RAPGEF5: variants seen among roughly 807,000 people sequenced by gnomAD.
RAPGEF5 encodes the protein M-Ras-regulated GEF.
Under a neutral mutation model 125.2 loss-of-function variants are expected in RAPGEF5, and 65 were observed. That is an observed-to-expected ratio of 0.52 (90% CI 0.43 to 0.64). The LOEUF is 0.64. RAPGEF5 is among the 30% of genes least tolerant of loss of function. The pLI is 0.00. For synonymous variants in RAPGEF5, 391 were observed against 385.9 expected (o/e 1.01, Z -0.16); for missense variants, 958 against 1,048.1 (o/e 0.91, Z 1.19).
chr7:22,282,745 C>T (rs1782702848), intron 6 of RAPGEF5, among the ~76,000 whole-genome samples: 1 of 152,164 alleles, frequency 6.6e-6, no homozygotes, highest in Non-Finnish European at 1.5e-5. Flanking sequence ...ACCCATTTCT[C>T]ACTTGGTCTA....
intron 9 of RAPGEF5, among the ~76,000 whole-genome samples, chr7:22,206,213 A>G (rs2128129428): frequency 6.6e-6 from 1 of 152,316 alleles, no homozygotes; most frequent in Middle Eastern, 3.4e-3. Flanking sequence ...AGAGAGGTAA[A>G]GTGATTTACT....
At chr7:22,327,417 A>G (rs191800037) in intron 1 of RAPGEF5, among the ~76,000 whole-genome samples, 21 of 152,386 alleles carry the variant, frequency 1.4e-4, no homozygotes, top group African/African-American at 5.0e-4. Flanking sequence ...ATAAATGTCC[A>G]GTGTCCAACA....
At chr7:22,319,835 T>G (rs1024823859) in intron 1 of RAPGEF5, among the ~76,000 whole-genome samples, 8 of 151,664 alleles carry the variant, frequency 5.3e-5, no homozygotes, top group Non-Finnish European at 1.2e-4. Context: ...AAAAAGCTTT[T>G]AAGCAGAAAC....
chr7:22,235,375 G>A (rs967172494), intron 7 of RAPGEF5, among the ~76,000 whole-genome samples: 4 of 152,100 alleles, frequency 2.6e-5, no homozygotes, highest in African/African-American at 9.7e-5. Flanking sequence ...TGTACGTGTC[G>A]GTGACAGTTC....
At position 22,136,033 on chromosome 7, in the gene RAPGEF5, A is replaced by T. The variant is rs1394793145; in HGVS notation, c.2416+5T>A. ...TACATGGCATAAAAGATAGAAAATC[A>T]TTACCTTTAAGCAATAAGGGCATGA... On this transcript the variant is annotated splice_donor_5th_base_variant and intron_variant, in intron 23 of 25. Transcript: ENST00000665637. 6.3e-7 allele frequency: 1 copy of T among 1,582,848 alleles called. No homozygotes were observed. Among genetic ancestry groups the T allele is most frequent in the Non-Finnish European group, 8.7e-7 (1 of 1,155,238 alleles).
intron 7 of RAPGEF5, among the ~76,000 whole-genome samples, chr7:22,258,338 A>T (rs1313060955): frequency 6.6e-6 from 1 of 152,152 alleles, no homozygotes; most frequent in Non-Finnish European, 1.5e-5. Flanking sequence ...ATAGACAAAC[A>T]GGCCAGGTAC....
chr7:22,129,790 AT>A (rs1417938986), intron 24 of RAPGEF5, among the ~76,000 whole-genome samples: 1 of 152,214 alleles, frequency 6.6e-6, no homozygotes, highest in Non-Finnish European at 1.5e-5. Context: ...TGTGGTTAAA[AT>A]GGAGATAAAG....
intron 17 of RAPGEF5, among the ~76,000 whole-genome samples, chr7:22,153,596 T>C (rs1343464176): frequency 2.0e-5 from 3 of 152,180 alleles, no homozygotes; most frequent in South Asian, 4.1e-4. Context: ...CCCTCAAGTA[T>C]ATTCTGATAT....
chr7:22,152,731 T>C (rs902773814), intron 17 of RAPGEF5, among the ~76,000 whole-genome samples: 6 of 152,204 alleles, frequency 3.9e-5, no homozygotes, highest in African/African-American at 1.4e-4. Context: ...GACTAAAATA[T>C]AATTTATTAA....
intron 5 of RAPGEF5, among the ~76,000 whole-genome samples, chr7:22,299,074 C>G (rs1338242606): frequency 1.1e-5 from 1 of 90,770 alleles, no homozygotes; most frequent in Non-Finnish European, 2.3e-5. Flanking sequence ...TTTCTAATTT[C>G]TTTTCACTTA....
chr7:22,249,919 C>A (rs1786575582), intron 7 of RAPGEF5, among the ~76,000 whole-genome samples: 1 of 152,166 alleles, frequency 6.6e-6, no homozygotes, highest in African/African-American at 2.4e-5. Context: ...CAGGAATTAG[C>A]ACTATTAAAA....
intron 10 of RAPGEF5, 142 bp from the exon 11 acceptor site, chr7:22,193,597 A>G (rs1418871381): frequency 3.2e-6 from 5 of 1,550,980 alleles, no homozygotes; most frequent in South Asian, 1.2e-5. Context: ...TCGGTCTGAG[A>G]GCGCCGCGGC....
chr7:22,337,869 C>T (rs1784054879), intron 1 of RAPGEF5, among the ~76,000 whole-genome samples: 1 of 152,176 alleles, frequency 6.6e-6, no homozygotes, highest in South Asian at 2.1e-4. Context: ...GTTAACACAC[C>T]ACTCACATTT....
intron 7 of RAPGEF5, among the ~76,000 whole-genome samples, chr7:22,260,866 G>T (rs1374995875): frequency 6.6e-6 from 1 of 152,084 alleles, no homozygotes; most frequent in African/African-American, 2.4e-5. Context: ...AATTAAAACA[G>T]GATAGTGTAG....
intron 7 of RAPGEF5, among the ~76,000 whole-genome samples, chr7:22,244,523 A>G (rs956334431): frequency 6.6e-6 from 1 of 152,036 alleles, no homozygotes; most frequent in Non-Finnish European, 1.5e-5. Flanking sequence ...TCTAATGCCC[A>G]GTGATTTGTC....
At chr7:22,123,426 A>T (rs1412969606) in intron 25 of RAPGEF5, among the ~76,000 whole-genome samples, 1 of 152,230 alleles carries the variant, frequency 6.6e-6, no homozygotes, top group African/African-American at 2.4e-5. Flanking sequence ...AGTGGTGAAG[A>T]CATCATATCC....
chr7:22,262,894 G>A (rs1331335402), intron 7 of RAPGEF5, among the ~76,000 whole-genome samples: 1 of 152,150 alleles, frequency 6.6e-6, no homozygotes, highest in Admixed American at 6.6e-5. Context: ...AGACTTCCTT[G>A]GTCAAGGCTG....
At chr7:22,248,307 C>T (rs2128137651) in intron 7 of RAPGEF5, among the ~76,000 whole-genome samples, 1 of 152,190 alleles carries the variant, frequency 6.6e-6, no homozygotes, top group South Asian at 2.1e-4. Flanking sequence ...TCATGGAGGC[C>T]TGTTATAAAC....
intron 9 of RAPGEF5, among the ~76,000 whole-genome samples, chr7:22,199,089 G>A (rs962693094): frequency 1.3e-5 from 2 of 152,220 alleles, no homozygotes; most frequent in Non-Finnish European, 2.9e-5. Context: ...GCCAAAGTGA[G>A]AGTCAAAAGT....
Sources: allele counts gnomAD v4.1 joint callset (sites outside exome capture counted in the v4.1 genomes callset), GRCh38; gene constraint gnomAD v4.1.1; transcripts MANE v1.5; gene names NCBI Gene and HGNC (gene_info 2026-07-23, HGNC 2026-07-21).